The following UNC13C variants were observed in gnomAD, a reference collection of about 807,000 sequenced individuals.
The protein encoded by UNC13C is protein unc-13 homolog C.
UNC13C carries 174 observed loss-of-function variants against 245.4 expected under a neutral mutation model. That is an observed-to-expected ratio of 0.71 (90% CI 0.63 to 0.80). UNC13C has a LOEUF of 0.80. UNC13C is among the 30% of genes least tolerant of loss of function. The pLI, the probability that UNC13C is intolerant of heterozygous loss-of-function variation, is 0.00. For synonymous variants in UNC13C, 992 were observed against 895.1 expected (o/e 1.11, Z -1.93); for missense variants, 2,829 against 2,602.9 (o/e 1.09, Z -1.89).
intron 17 of UNC13C, among the ~76,000 whole-genome samples, chr15:54,365,206 C>G (rs1297045927): frequency 6.6e-6 from 1 of 152,108 alleles, no homozygotes; most frequent in Non-Finnish European, 1.5e-5. Context: ...AGGCTCCCCA[C>G]TGAGATCATT....
At chr15:54,494,098 A>G (rs1893843793) in intron 19 of UNC13C, among the ~76,000 whole-genome samples, 1 of 152,130 alleles carries the variant, frequency 6.6e-6, no homozygotes, top group Non-Finnish European at 1.5e-5. Flanking sequence ...CTCACTTCAT[A>G]TCTCCAATAT....
intron 2 of UNC13C, among the ~76,000 whole-genome samples, chr15:54,086,923 A>G (rs1359264680): frequency 3.3e-5 from 5 of 151,140 alleles, no homozygotes; most frequent in African/African-American, 1.2e-4. Flanking sequence ...TTTAGTAGAG[A>G]CGGGGTTTCA....
intron 2 of UNC13C, among the ~76,000 whole-genome samples, chr15:54,031,953 A>G (rs2141019155): frequency 6.6e-6 from 1 of 152,290 alleles, no homozygotes; most frequent in African/African-American, 2.4e-5. Context: ...ACAGGGCTTG[A>G]TCTTTATGGT....
At chr15:54,060,460 A>G (rs1897763383) in intron 2 of UNC13C, among the ~76,000 whole-genome samples, 2 of 152,220 alleles carry the variant, frequency 1.3e-5, no homozygotes, top group African/African-American at 4.8e-5. Context: ...TTAAAAAGTC[A>G]GGAAACAACA....
chr15:54,202,847 C>G (rs2034566753), intron 4 of UNC13C, among the ~76,000 whole-genome samples: 1 of 151,902 alleles, frequency 6.6e-6, no homozygotes, highest in South Asian at 2.1e-4. Context: ...AGCATCGGCA[C>G]AGCAAAAGAA....
At chr15:54,421,895 G>C (rs1453734369) in intron 19 of UNC13C, among the ~76,000 whole-genome samples, 1 of 151,928 alleles carries the variant, frequency 6.6e-6, no homozygotes, top group East Asian at 1.9e-4. Flanking sequence ...CATTATGCTA[G>C]CAAGGCTCAA....
intron 19 of UNC13C, among the ~76,000 whole-genome samples, chr15:54,461,439 A>G (rs113607177): frequency 1.3e-4 from 20 of 152,214 alleles, no homozygotes; most frequent in African/African-American, 4.8e-4. Context: ...CTATCTTTGT[A>G]TTTATGGTTT....
chr15:54,476,757 T>A (rs1199965147), intron 19 of UNC13C, among the ~76,000 whole-genome samples: 1 of 147,686 alleles, frequency 6.8e-6, no homozygotes, highest in African/African-American at 2.5e-5. Flanking sequence ...CCTCCAGCTT[T>A]GTTCTTTTGG....
At chr15:54,025,405 T>G (rs1473919793) in intron 2 of UNC13C, among the ~76,000 whole-genome samples, 1 of 152,222 alleles carries the variant, frequency 6.6e-6, no homozygotes, top group African/African-American at 2.4e-5. Flanking sequence ...TGCCAGATAC[T>G]ATTCTAAATA....
intron 14 of UNC13C, among the ~76,000 whole-genome samples, chr15:54,329,945 C>G (rs983177856): frequency 1.3e-5 from 2 of 152,036 alleles, no homozygotes; most frequent in African/African-American, 4.8e-5. Flanking sequence ...ACTCATGGAA[C>G]CTAAGTCCAC....
the UNC13C span, among the ~76,000 whole-genome samples, chr15:53,857,229 C>T: frequency 7.2e-5 from 11 of 152,222 alleles, no homozygotes; most frequent in East Asian, 1.4e-3. Context: ...CTGTCTGATT[C>T]GTGGATCTTT....
intron 7 of UNC13C, among the ~76,000 whole-genome samples, chr15:54,238,083 T>TTTTG (rs1669021049): frequency 6.8e-6 from 1 of 147,140 alleles, no homozygotes; most frequent in African/African-American, 2.5e-5. Flanking sequence ...TAGGTTTTTT[T>TTTTG]TTTTTTTTTT....
At chr15:54,409,997 G>A (rs1382555977) in intron 18 of UNC13C, among the ~76,000 whole-genome samples, 1 of 152,108 alleles carries the variant, frequency 6.6e-6, no homozygotes. Flanking sequence ...CACTAGCAGC[G>A]TATAATTGTT....
chr15:54,334,534 A>G (rs181848923), intron 16 of UNC13C, among the ~76,000 whole-genome samples: 4 of 151,942 alleles, frequency 2.6e-5, no homozygotes, highest in African/African-American at 7.3e-5. Context: ...AATAGCAACA[A>G]TTTTTTTCTT....
intron 2 of UNC13C, among the ~76,000 whole-genome samples, chr15:54,109,391 G>C (rs1268809784): frequency 7.5e-6 from 1 of 133,562 alleles, no homozygotes; most frequent in South Asian, 2.5e-4. Context: ...GCCCAGGCTA[G>C]AGTGCAGTAG....
At chr15:53,958,562 C>T in the UNC13C span, among the ~76,000 whole-genome samples, 2 of 152,132 alleles carry the variant, frequency 1.3e-5, no homozygotes, top group African/African-American at 4.8e-5. Context: ...CAAATTATCC[C>T]ATCTTTTGAT....
the UNC13C span, among the ~76,000 whole-genome samples, chr15:53,906,529 C>G: frequency 6.6e-6 from 1 of 152,246 alleles, no homozygotes; most frequent in East Asian, 1.9e-4. Flanking sequence ...CCCTGTCTCC[C>G]TTTTTGCATG....
At chr15:54,346,082 A>G (rs1300913113) in intron 17 of UNC13C, among the ~76,000 whole-genome samples, 1 of 152,114 alleles carries the variant, frequency 6.6e-6, no homozygotes, top group Non-Finnish European at 1.5e-5. Flanking sequence ...CACTGCACTT[A>G]TCACGGTGAA....
At chr15:53,840,875 A>T in the UNC13C span, among the ~76,000 whole-genome samples, 2 of 152,110 alleles carry the variant, frequency 1.3e-5, no homozygotes, top group Admixed American at 1.3e-4. Context: ...CATAGGAGTA[A>T]TCATGGAATG....
Sources: allele counts gnomAD v4.1 joint callset (sites outside exome capture counted in the v4.1 genomes callset), GRCh38; gene constraint gnomAD v4.1.1; transcripts MANE v1.5; gene names NCBI Gene and HGNC (gene_info 2026-07-23, HGNC 2026-07-21).